WAC: variants seen among roughly 807,000 people sequenced by gnomAD.
WAC encodes WW domain containing adaptor with coiled-coil.
WAC carries 11 observed loss-of-function variants against 79.6 expected under a neutral mutation model. The observed-to-expected ratio is 0.14, with a 90% confidence interval of 0.09 to 0.23. The LOEUF (loss-of-function observed/expected upper bound fraction) is 0.23. Among genes scored for constraint, WAC ranks in the 10% least tolerant of loss-of-function variants. WAC has a pLI of 1.00. For missense variants in WAC, 728 were observed against 773.5 expected (o/e 0.94, Z 0.70); for synonymous variants, 304 against 276.9 (o/e 1.10, Z -0.97).
intron 3 of WAC, among the ~76,000 whole-genome samples, chr10:28,543,422 T>A (rs548621482): frequency 6.6e-6 from 1 of 152,388 alleles, no homozygotes; most frequent in African/African-American, 2.4e-5. Flanking sequence ...ACAAGATCTT[T>A]GAAACCTAGT....
chr10:28,615,801 T>C (rs1412668838), intron 11 of WAC: 3 of 165,814 alleles, frequency 1.8e-5, no homozygotes, highest in Non-Finnish European at 3.9e-5. Flanking sequence ...AAAGGCAATA[T>C]ATATTTTCCC....
Position 28,589,977 on chromosome 10 carries a change from G to A in WAC, c.497+126G>A, listed in dbSNP as rs150664310. The A allele has an allele frequency of 9.0e-3, 5,950 of 659,406 alleles. 49 individuals carry two copies. Among genetic ancestry groups the A allele is most frequent in the Non-Finnish European group, 0.012 (4,533 of 393,068 alleles). 40.8% of individuals were successfully genotyped at this position (659,406 alleles called of 1,614,324 possible). On this transcript the variant is annotated intron_variant, in intron 5 of 13. Coordinates refer to ENST00000354911, the MANE Select transcript of WAC (RefSeq NM_016628.5). ...CTGCCCATCTACACTTTTTAGTTGC[G>A]GTGGTTGGTTGCCCCTTCGTGTTTT... is the stretch of plus-strand genomic sequence containing the variant.
chr10:28,600,984 C>A (rs999047043), intron 7 of WAC, among the ~76,000 whole-genome samples: 4 of 150,580 alleles, frequency 2.7e-5, no homozygotes, highest in Admixed American at 2.0e-4. Context: ...ACTAAAACAC[C>A]GAGGCTCTTG....
chr10:28,590,612 T>C, intron 5 of WAC, 108 bp from the exon 6 acceptor site: 2 of 875,532 alleles, frequency 2.3e-6, no homozygotes, highest in Non-Finnish European at 1.7e-6. Flanking sequence ...TGTTCACTCC[T>C]TTTGTTTTCT....
At chr10:28,577,221 G>T (rs1227866292) in intron 3 of WAC, among the ~76,000 whole-genome samples, 1 of 152,172 alleles carries the variant, frequency 6.6e-6, no homozygotes, top group Non-Finnish European at 1.5e-5. Context: ...AACTAAAGTT[G>T]TATTGGTTCG....
intron 3 of WAC, among the ~76,000 whole-genome samples, chr10:28,543,067 A>G (rs895331406): frequency 3.3e-5 from 5 of 152,246 alleles, no homozygotes; most frequent in Admixed American, 6.5e-5. Context: ...GAATGAAATT[A>G]TAGTATTTTG....
intron 5 of WAC, 58 bp downstream of exon 5, chr10:28,589,909 C>T: frequency 8.2e-7 from 1 of 1,221,308 alleles, no homozygotes; most frequent in Non-Finnish European, 1.2e-6. Flanking sequence ...TACTGGTTAA[C>T]ATCTTACAGC....
chr10:28,542,578 A>C (rs1837114992), intron 3 of WAC, among the ~76,000 whole-genome samples: 1 of 152,200 alleles, frequency 6.6e-6, no homozygotes, highest in South Asian at 2.1e-4. Flanking sequence ...GAAAGTGGCC[A>C]CTCATTGGAA....
In WAC at chr10:28,535,563, C is replaced by T. The variant is rs753441253; in HGVS notation, c.80C>T (p.Ala27Val). ...DRRGDSQPYQALKYSSKSHPS... is the reference protein window; with the variant it reads ...DRRGDSQPYQVLKYSSKSHPS... Reference sequence around the variant, plus strand: ...TTTTGGGGGGGTGATGTTTTACAGGCACTTAAGTATTCATCGAAGAGTCAC... The same window carrying T: ...TTTTGGGGGGGTGATGTTTTACAGGTACTTAAGTATTCATCGAAGAGTCAC... The change falls in exon 3 of 14, where the codon GCA becomes GTA. Residue 27 changes from alanine to valine, a missense_variant and splice_region_variant. By Grantham distance (64) the Ala-to-Val change is moderately conservative. Around this residue, in one of 3 missense-constraint regions of WAC, gnomAD observed 648 missense variants for 661.5 expected, o/e 0.98. Transcript: ENST00000354911. 2 of 1,590,198 alleles carry T rather than the reference C, an allele frequency of 1.3e-6. No homozygotes were observed. The highest frequency in any genetic ancestry group is 1.7e-6 in the Non-Finnish European group (2 of 1,166,958).
intron 3 of WAC, among the ~76,000 whole-genome samples, chr10:28,536,704 CTGAGAA>C (rs1369418512): frequency 6.6e-6 from 1 of 152,206 alleles, no homozygotes. Flanking sequence ...TGGTAGGAGT[CTGAGAA>C]TAAGTAAACA....
At chr10:28,562,065 T>G (rs1478533255) in intron 3 of WAC, among the ~76,000 whole-genome samples, 1 of 152,040 alleles carries the variant, frequency 6.6e-6, no homozygotes, top group East Asian at 1.9e-4. Context: ...TCTAATAGAT[T>G]TTCTTTTTGA....
intron 11 of WAC, chr10:28,615,441 T>G (rs1298231458): frequency 6.6e-6 from 1 of 152,230 alleles, no homozygotes; most frequent in African/African-American, 2.4e-5. Context: ...TTTGGGAAAT[T>G]CTTCTTTTAA....
Position 28,535,675 on chromosome 10 carries a change from T to C in WAC, c.192T>C (p.Ser64=), listed in dbSNP as rs1273983136. Residue 64 remains serine, a synonymous_variant, in exon 3 of 14, where the codon AGT becomes AGC. Transcript: ENST00000354911. ...ATAAAATGTTGCGGAGATCTGATAG[T>C]CCTGAAAACAAATACAGTGACAGCA... ...PPNKMLRRSD[S]PENKYSDSTG... 6.2e-7 allele frequency: 1 copy of C among 1,614,046 alleles called. No homozygotes were observed. Among genetic ancestry groups the C allele is most frequent in the South Asian group, 1.1e-5 (1 of 91,078 alleles).
At chr10:28,612,051 G>A in intron 10 of WAC, 129 bp downstream of exon 10, 1 of 1,127,046 alleles carries the variant, frequency 8.9e-7, no homozygotes, top group Non-Finnish European at 1.2e-6. Flanking sequence ...TGACAGGTAT[G>A]ATAGTAGATG....
chr10:28,559,135 G>GGTGTGTGTGTGTGTGTGTGTGTGT (rs750941388), intron 3 of WAC, among the ~76,000 whole-genome samples: 34 of 64,804 alleles, frequency 5.2e-4, no homozygotes, highest in South Asian at 2.3e-3. Context: ...CGAGAAACCT[G>GGTGTGTGTGTGTGTGTGTGTGTGT]ATGTGTGTGT....
intron 3 of WAC, among the ~76,000 whole-genome samples, chr10:28,548,152 A>C (rs540969739): frequency 1.3e-5 from 2 of 151,674 alleles, no homozygotes; most frequent in African/African-American, 4.8e-5. Flanking sequence ...TGAACTCCTT[A>C]CCTCAGGTGA....
At chr10:28,563,272 A>G (rs1490091381) in intron 3 of WAC, among the ~76,000 whole-genome samples, 1 of 152,176 alleles carries the variant, frequency 6.6e-6, no homozygotes, top group Non-Finnish European at 1.5e-5. Context: ...GATTAGTAAT[A>G]CCCAGTGTTC....
At chr10:28,601,025 T>C (rs1325165480) in intron 7 of WAC, among the ~76,000 whole-genome samples, 1 of 151,216 alleles carries the variant, frequency 6.6e-6, no homozygotes. Context: ...GGTATTGGAG[T>C]TGGCCATGAT....
chr10:28,542,166 G>C (rs560833377), intron 3 of WAC, among the ~76,000 whole-genome samples: 37 of 152,208 alleles, frequency 2.4e-4, no homozygotes, highest in African/African-American at 8.7e-4. Context: ...CTCCTACTGT[G>C]CTCACTCACT....
Sources: gnomAD v4.1 joint callset for allele counts (sites outside exome capture counted in the v4.1 genomes callset) on GRCh38, gnomAD v4.1.1 for gene constraint, gnomAD v4.1.1 regional missense constraint, MANE v1.5 for transcripts, NCBI Gene and HGNC (gene_info 2026-07-23, HGNC 2026-07-21) for gene names.